Variants in ARHGAP6 observed in about 807,000 individuals in gnomAD.
ARHGAP6 encodes the protein rho GTPase-activating protein 6.
A neutral mutation model predicts 55.7 loss-of-function variants in ARHGAP6; 16 were observed. The observed-to-expected ratio is 0.29, with a 90% CI of 0.19 to 0.44. ARHGAP6 has a LOEUF of 0.44. ARHGAP6 is among the 20% of genes least tolerant of loss of function. The pLI is 1.00. For synonymous variants in ARHGAP6, 382 were observed against 360.9 expected (o/e 1.06, Z -0.66); for missense variants, 698 against 808.9 (o/e 0.86, Z 1.66).
rs542246461 is a variant in ARHGAP6 at position 11,386,276 on chromosome X, T to C, written c.589-131569A>G. On this transcript the variant is annotated intron_variant, in intron 1 of 12. Transcript: ENST00000337414. ...TTTAGCAATGGGGCAATTTATGATT[T>C]ATTTTAGAAGAACTAACTGAGGAAA... Among the ~76,000 whole-genome samples the C allele has an allele frequency of 3.8e-3, 431 of 113,270 alleles. 1 individual carries two copies. The highest frequency in any genetic ancestry group is 0.014 in the Middle Eastern group (3 of 217).
chrX:11,174,635 C>CTTTCTTTCTTTCTCTTTCT (rs2046169138), intron 8 of ARHGAP6, among the ~76,000 whole-genome samples: 1 of 45,909 alleles, frequency 2.2e-5, no homozygotes, highest in Non-Finnish European at 3.8e-5. Flanking sequence ...TTCTTTCTTT[C>CTTTCTTTCTTTCTCTTTCT]TTTCTTTCTT....
At chrX:11,245,313 G>A (rs1184812141) in intron 2 of ARHGAP6, among the ~76,000 whole-genome samples, 2 of 111,762 alleles carry the variant, frequency 1.8e-5, no homozygotes, top group African/African-American at 6.5e-5. Context: ...ATCTCCTTCA[G>A]GTTGCATAAC....
intron 1 of ARHGAP6, among the ~76,000 whole-genome samples, chrX:11,440,459 T>C (rs143319517): frequency 0.025 from 2,801 of 111,778 alleles, 43 homozygotes; most frequent in Non-Finnish European, 0.037. Context: ...ATTCCTTTGT[T>C]TTCAAGGAGA....
intron 1 of ARHGAP6, among the ~76,000 whole-genome samples, chrX:11,395,626 G>A (rs1371314039): frequency 8.9e-6 from 1 of 112,344 alleles, no homozygotes; most frequent in Non-Finnish European, 1.9e-5. Context: ...AAAACATTAG[G>A]TACTACCGGC....
intron 1 of ARHGAP6, among the ~76,000 whole-genome samples, chrX:11,614,117 C>A (rs1300537974): frequency 1.8e-5 from 2 of 110,780 alleles, no homozygotes; most frequent in Non-Finnish European, 3.8e-5. Flanking sequence ...TAGCCACTTC[C>A]ACCCCAACTC....
chrX:11,462,103 C>T (rs2050250925), intron 1 of ARHGAP6, among the ~76,000 whole-genome samples: 1 of 112,304 alleles, frequency 8.9e-6, no homozygotes, highest in African/African-American at 3.2e-5. Flanking sequence ...ATTTATGAGA[C>T]ACAAAAGGAA....
Position 11,380,681 on chromosome X carries a change from G to A in ARHGAP6, c.589-125974C>T, listed in dbSNP as rs568717906. ...CACGTGTTGCAGATGCTGCTGTTCC[G>A]TGGAATACATTTTGAGTAGCACTGG... is the stretch of plus-strand genomic sequence containing the variant. On this transcript the variant is annotated intron_variant, in intron 1 of 12. Transcript: ENST00000337414. Among the ~76,000 whole-genome samples, 32 of 111,692 alleles carry A rather than the reference G, an allele frequency of 2.9e-4. No individual in the cohort carries two copies. In the South Asian group the frequency reaches 4.2e-3, roughly 15 times the overall value.
chrX:11,592,889 A>C (rs1363928194), intron 1 of ARHGAP6, among the ~76,000 whole-genome samples: 1 of 111,684 alleles, frequency 9.0e-6, no homozygotes, highest in Non-Finnish European at 1.9e-5. Flanking sequence ...TTCTGGCCAG[A>C]AGATGACCCT....
At chrX:11,627,346 C>A (rs780767554) in intron 1 of ARHGAP6, among the ~76,000 whole-genome samples, 1 of 110,129 alleles carries the variant, frequency 9.1e-6, no homozygotes, top group South Asian at 3.8e-4. Context: ...TGAAGAATAG[C>A]CAAGAAAATT....
chrX:11,519,785 T>C (rs1428977549), intron 1 of ARHGAP6, among the ~76,000 whole-genome samples: 4 of 107,905 alleles, frequency 3.7e-5, no homozygotes, highest in East Asian at 2.9e-4. Context: ...GCTAGCCATA[T>C]GTAGAAAGCT....
At chrX:11,587,443 T>G (rs1485401754) in intron 1 of ARHGAP6, among the ~76,000 whole-genome samples, 1 of 111,735 alleles carries the variant, frequency 8.9e-6, no homozygotes, top group Non-Finnish European at 1.9e-5. Flanking sequence ...TGGGAGATCA[T>G]CACAGGCATA....
At chrX:11,377,889 G>C (rs770989878) in intron 1 of ARHGAP6, among the ~76,000 whole-genome samples, 2 of 111,427 alleles carry the variant, frequency 1.8e-5, no homozygotes, top group South Asian at 3.9e-4. Flanking sequence ...AGGAAAAGAG[G>C]GTTTCTGGCC....
intron 1 of ARHGAP6, among the ~76,000 whole-genome samples, chrX:11,429,109 A>G (rs368935993): frequency 1.8e-5 from 2 of 112,750 alleles, no homozygotes; most frequent in African/African-American, 6.5e-5. Context: ...GTCTGTGCAC[A>G]TGATGGAATA....
intron 1 of ARHGAP6, among the ~76,000 whole-genome samples, chrX:11,377,803 A>G (rs778198375): frequency 4.4e-4 from 49 of 111,766 alleles, no homozygotes; most frequent in Admixed American, 1.2e-3. Flanking sequence ...AAGGATGGCA[A>G]CTGGAAGGGA....
At chrX:11,428,314 G>A (rs1191716151) in intron 1 of ARHGAP6, among the ~76,000 whole-genome samples, 26 of 111,671 alleles carry the variant, frequency 2.3e-4, no homozygotes, top group Non-Finnish European at 1.3e-4. Context: ...CGGGGACAAG[G>A]CTGCCCAGGA....
intron 1 of ARHGAP6, among the ~76,000 whole-genome samples, chrX:11,289,479 C>T (rs959136133): frequency 4.5e-5 from 5 of 111,024 alleles, no homozygotes; most frequent in African/African-American, 6.6e-5. Flanking sequence ...TGTGTTTTGG[C>T]GAATATCTCC....
chrX:11,236,290 GT>G (rs1481794916), intron 2 of ARHGAP6, among the ~76,000 whole-genome samples: 44 of 111,483 alleles, frequency 3.9e-4, no homozygotes, highest in African/African-American at 1.3e-3. Context: ...CCATCAGCTC[GT>G]GTGCGAACTC....
chrX:11,264,768 TTGAAGATACTGC>T (rs745626394), intron 1 of ARHGAP6, among the ~76,000 whole-genome samples: 7 of 112,265 alleles, frequency 6.2e-5, no homozygotes, highest in Non-Finnish European at 1.1e-4. Context: ...AGATTAGACC[TTGAAGATACTGC>T]TCACATTTAT....
intron 1 of ARHGAP6, among the ~76,000 whole-genome samples, chrX:11,373,317 T>C (rs1019896829): frequency 9.2e-6 from 1 of 109,220 alleles, no homozygotes; most frequent in Non-Finnish European, 1.9e-5. Context: ...TTTCTCTACT[T>C]TGGGGAAAAT....
Sources: gnomAD v4.1 joint callset for allele counts (sites outside exome capture counted in the v4.1 genomes callset) on GRCh38, gnomAD v4.1.1 for gene constraint, MANE v1.5 for transcripts, NCBI Gene and HGNC (gene_info 2026-07-23, HGNC 2026-07-21) for gene names.